DGKG: variants seen among roughly 807,000 people sequenced by gnomAD.
The protein encoded by DGKG is diacylglycerol kinase gamma.
In DGKG, 78 loss-of-function variants were observed where a neutral mutation model predicts 105.3. The observed-to-expected ratio is 0.74, with a 90% confidence interval of 0.62 to 0.89. DGKG has a LOEUF of 0.89. Among genes scored for constraint, DGKG ranks in the 40% least tolerant of loss-of-function variants. The pLI is 0.00. For synonymous variants in DGKG, 346 were observed against 367.1 expected (o/e 0.94, Z 0.66); for missense variants, 958 against 1,020.1 (o/e 0.94, Z 0.83).
intron 22 of DGKG, among the ~76,000 whole-genome samples, chr3:186,172,352 C>G (rs935750725): frequency 2.6e-5 from 4 of 152,206 alleles, no homozygotes; most frequent in African/African-American, 9.7e-5. Context: ...GGTCTTGGGG[C>G]TGCCATGGAG....
At chr3:186,340,725 A>T (rs1293432645) in intron 1 of DGKG, among the ~76,000 whole-genome samples, 1 of 152,336 alleles carries the variant, frequency 6.6e-6, no homozygotes. Context: ...AACTTTTTCA[A>T]TGAAGAAGTC....
intron 17 of DGKG, among the ~76,000 whole-genome samples, chr3:186,255,392 C>T (rs577353532): frequency 6.6e-6 from 1 of 152,218 alleles, no homozygotes; most frequent in South Asian, 2.1e-4. Flanking sequence ...AACAGAGGAG[C>T]ACTGTCGTAT....
Position 186,351,601 on chromosome 3 carries a change from C to T in DGKG, c.-249+10345G>A, listed in dbSNP as rs149628040. Among the ~76,000 whole-genome samples the T allele has an allele frequency of 2.0e-5, 3 of 152,296 alleles. No homozygotes were observed. In the East Asian group the frequency reaches 5.8e-4, roughly 29 times the overall value. ...AAGGGAATGATCCCTTGGAACTAAC[C>T]AAGGTTCACCAAGAAGTCATGGCAG... On this transcript the variant is annotated intron_variant, in intron 1 of 24. Transcript: ENST00000265022.
chr3:186,336,270 CATT>C (rs1215916062), intron 1 of DGKG, among the ~76,000 whole-genome samples: 8 of 152,160 alleles, frequency 5.3e-5, no homozygotes, highest in Non-Finnish European at 1.0e-4. Context: ...TAATAAAACT[CATT>C]AACACTTCTG....
intron 22 of DGKG, among the ~76,000 whole-genome samples, chr3:186,172,278 A>C (rs192490004): frequency 3.9e-5 from 6 of 152,246 alleles, no homozygotes; most frequent in Admixed American, 3.3e-4. Context: ...GCTTAAGAGG[A>C]TGCTTTGCTA....
chr3:186,173,879 T>C (rs1330658318), intron 22 of DGKG, among the ~76,000 whole-genome samples: 1 of 152,226 alleles, frequency 6.6e-6, no homozygotes, highest in Non-Finnish European at 1.5e-5. Context: ...TCATCCCCCA[T>C]GTTCCTGCCT....
intron 21 of DGKG, among the ~76,000 whole-genome samples, chr3:186,197,763 A>G (rs748847490): frequency 1.3e-5 from 2 of 152,158 alleles, no homozygotes; most frequent in African/African-American, 2.4e-5. Flanking sequence ...CATAGAGGCC[A>G]CAGAGTTGCG....
chr3:186,253,871 G>A (rs1354870847), intron 17 of DGKG, among the ~76,000 whole-genome samples: 1 of 152,122 alleles, frequency 6.6e-6, no homozygotes, highest in Admixed American at 6.5e-5. Context: ...ACCTTCAACT[G>A]TTCACCACTC....
chr3:186,248,469 TC>T (rs2108559153), intron 19 of DGKG, among the ~76,000 whole-genome samples: 1 of 152,326 alleles, frequency 6.6e-6, no homozygotes, highest in South Asian at 2.1e-4. Context: ...TGACCATTCT[TC>T]TCTGCTCTAG....
chr3:186,175,344 G>A (rs1258964512), intron 22 of DGKG, among the ~76,000 whole-genome samples: 2 of 152,186 alleles, frequency 1.3e-5, no homozygotes, highest in African/African-American at 4.8e-5. Flanking sequence ...GGCCATTGTT[G>A]TTGGTTCCTG....
At chr3:186,277,415 G>T (rs1439928034) in intron 9 of DGKG, among the ~76,000 whole-genome samples, 2 of 152,234 alleles carry the variant, frequency 1.3e-5, no homozygotes, top group East Asian at 3.9e-4. Flanking sequence ...CATAGATAAT[G>T]AGGGACTGAA....
At chr3:186,172,154 G>A (rs1716854391) in intron 22 of DGKG, among the ~76,000 whole-genome samples, 1 of 152,170 alleles carries the variant, frequency 6.6e-6, no homozygotes, top group Non-Finnish European at 1.5e-5. Context: ...GTGCCCGCTT[G>A]CTTTTTTGCA....
chr3:186,330,330 C>T (rs550797306), intron 1 of DGKG, among the ~76,000 whole-genome samples: 67 of 152,288 alleles, frequency 4.4e-4, no homozygotes, highest in African/African-American at 1.5e-3. Context: ...ACATAAGTTG[C>T]TTGAATTTAT....
At chr3:186,321,518 G>A (rs957815746) in intron 1 of DGKG, among the ~76,000 whole-genome samples, 2 of 152,186 alleles carry the variant, frequency 1.3e-5, no homozygotes, top group African/African-American at 4.8e-5. Flanking sequence ...TTACAAGCAT[G>A]GTTGGGAAGC....
chr3:186,348,676 T>G (rs1296939744), intron 1 of DGKG, among the ~76,000 whole-genome samples: 1 of 152,040 alleles, frequency 6.6e-6, no homozygotes, highest in East Asian at 1.9e-4. Context: ...GGTCTCAAAC[T>G]CCTGGGCTCA....
At chr3:186,334,882 C>T (rs1007294478) in intron 1 of DGKG, among the ~76,000 whole-genome samples, 10 of 151,914 alleles carry the variant, frequency 6.6e-5, no homozygotes, top group African/African-American at 2.2e-4. Context: ...AGAAAGTCAT[C>T]GAGAAAATGC....
intron 5 of DGKG, 56 bp from the exon 6 acceptor site, chr3:186,288,936 C>A: frequency 2.0e-6 from 3 of 1,471,834 alleles, no homozygotes; most frequent in African/African-American, 2.9e-5. Flanking sequence ...TAAATATTAA[C>A]CCCTCTTTGT....
At chr3:186,316,188 C>A (rs1724810537) in intron 2 of DGKG, among the ~76,000 whole-genome samples, 1 of 152,216 alleles carries the variant, frequency 6.6e-6, no homozygotes, top group East Asian at 1.9e-4. Context: ...GAGTCATGCC[C>A]ACCATGTCTG....
At chr3:186,225,258 C>A (rs1249578743) in intron 20 of DGKG, among the ~76,000 whole-genome samples, 2 of 151,876 alleles carry the variant, frequency 1.3e-5, no homozygotes, top group East Asian at 1.9e-4. Flanking sequence ...TGAGCCATTG[C>A]GCCTGGCCCT....
Sources: gnomAD v4.1 joint callset for allele counts (sites outside exome capture counted in the v4.1 genomes callset) on GRCh38, gnomAD v4.1.1 for gene constraint, MANE v1.5 for transcripts, NCBI Gene and HGNC (gene_info 2026-07-23, HGNC 2026-07-21) for gene names.